The following ATF2 variants were observed in gnomAD, a reference collection of about 807,000 sequenced individuals.
ATF2 encodes the protein activating transcription factor 2.
Under a neutral mutation model 60.6 loss-of-function variants are expected in ATF2, and 24 were observed. That is an observed-to-expected ratio of 0.40 (90% CI 0.29 to 0.56). The LOEUF (loss-of-function observed/expected upper bound fraction) is 0.56, where lower values mean the gene tolerates loss of function less well. Among genes scored for constraint, ATF2 ranks in the 20% least tolerant of loss-of-function variants. ATF2 has a pLI of 0.54. For missense variants in ATF2, 433 were observed against 607.7 expected (o/e 0.71, Z 3.02); for synonymous variants, 206 against 215.4 (o/e 0.96, Z 0.38).
intron 2 of ATF2, among the ~76,000 whole-genome samples, chr2:175,139,208 G>C (rs1698335297): frequency 6.6e-6 from 1 of 152,136 alleles, no homozygotes; most frequent in South Asian, 2.1e-4. Flanking sequence ...CTTGCTAACA[G>C]CAGGCACAGA....
At chr2:175,097,741 GA>G (rs1695032055) in intron 10 of ATF2, 148 bp from the exon 11 acceptor site, 4 of 817,504 alleles carry the variant, frequency 4.9e-6, no homozygotes, top group African/African-American at 1.8e-5. Context: ...TGTTCCTAGT[GA>G]ATTTTGAGAA....
intron 1 of ATF2, among the ~76,000 whole-genome samples, chr2:175,167,264 G>T (rs971410327): frequency 6.6e-6 from 1 of 151,942 alleles, no homozygotes; most frequent in Non-Finnish European, 1.5e-5. Flanking sequence ...GGTCCCTAGG[G>T]CATTGATGAA....
At position 175,129,926 on chromosome 2, in the gene ATF2, C is replaced by G. The variant is rs77844968; in HGVS notation, c.102+212G>C. ...TCCATTACAAGATATAATGCTCCCCCCCTCCGTATTGGATTATACTTTCTA... is the reference window on the plus strand; with the variant it reads ...TCCATTACAAGATATAATGCTCCCCGCCTCCGTATTGGATTATACTTTCTA... On this transcript the variant is annotated intron_variant, in intron 4 of 13. Transcript: ENST00000264110. 6.4e-4 allele frequency among the ~76,000 whole-genome samples: 98 copies of G among 152,026 alleles called. No homozygotes were observed. The East Asian group carries it at 9.5e-3, about 15-fold the overall frequency.
chr2:175,092,465 G>A (rs1694617135), intron 12 of ATF2: 1 of 200,438 alleles, frequency 5.0e-6, no homozygotes, highest in Admixed American at 6.1e-5. Context: ...TATACTCCAT[G>A]AGGTTTTAAG....
At chr2:175,136,089 C>T (rs2105766402) in intron 3 of ATF2, among the ~76,000 whole-genome samples, 1 of 151,356 alleles carries the variant, frequency 6.6e-6, no homozygotes, top group East Asian at 1.9e-4. Flanking sequence ...GGGGAGCACC[C>T]AGAGTATGGC....
chr2:175,116,345 GAAGA>G (rs977098006), intron 7 of ATF2, among the ~76,000 whole-genome samples: 32 of 148,768 alleles, frequency 2.2e-4, no homozygotes, highest in African/African-American at 7.8e-4. Context: ...GTAAAAGAAA[GAAGA>G]AATTAAGGAT....
chr2:175,099,034 G>C (rs1475469422), intron 10 of ATF2, among the ~76,000 whole-genome samples: 1 of 148,444 alleles, frequency 6.7e-6, no homozygotes, highest in Non-Finnish European at 1.5e-5. Flanking sequence ...AAAAAGAAAA[G>C]TTTTTTCTTG....
Position 175,074,582 on chromosome 2 carries a change from T to G in ATF2, c.*27A>C. On this transcript the variant is annotated 3_prime_UTR_variant, in exon 14 of 14. Coordinates refer to ENST00000264110, the MANE Select transcript of ATF2 (RefSeq NM_001880.4). Reference sequence around the variant, plus strand: ...CCCTTTGAAGTCACTAATGAGTATCTAAAACTGTTGTACTGCAGGTTTTTA... The same window carrying G: ...CCCTTTGAAGTCACTAATGAGTATCGAAAACTGTTGTACTGCAGGTTTTTA... 6.3e-7 allele frequency: 1 copy of G among 1,593,228 alleles called. No homozygotes were observed. The highest frequency in any genetic ancestry group is 2.3e-5 in the East Asian group (1 of 43,962).
At chr2:175,095,633 ATTCT>A (rs1694884992) in intron 11 of ATF2, among the ~76,000 whole-genome samples, 1 of 152,184 alleles carries the variant, frequency 6.6e-6, no homozygotes, top group Non-Finnish European at 1.5e-5. Flanking sequence ...CTATTAATTC[ATTCT>A]ATTTCATTCA....
intron 3 of ATF2, among the ~76,000 whole-genome samples, chr2:175,130,604 T>G (rs1051902274): frequency 2.0e-5 from 3 of 152,144 alleles, no homozygotes; most frequent in African/African-American, 7.2e-5. Context: ...TATATTCTAG[T>G]GGAATATTTG....
intron 2 of ATF2, among the ~76,000 whole-genome samples, chr2:175,148,865 A>C: frequency 6.6e-6 from 1 of 152,070 alleles, no homozygotes; most frequent in East Asian, 1.9e-4. Context: ...CCAAACTTCC[A>C]GTTGTCCTAC....
intron 4 of ATF2, among the ~76,000 whole-genome samples, chr2:175,122,289 T>G (rs1397828773): frequency 6.6e-6 from 1 of 152,046 alleles, no homozygotes. Flanking sequence ...ACATAATAAA[T>G]GCATTATCTC....
chr2:175,086,965 T>G (rs959768975), intron 12 of ATF2, among the ~76,000 whole-genome samples: 8 of 151,804 alleles, frequency 5.3e-5, no homozygotes, highest in Non-Finnish European at 1.5e-5. Flanking sequence ...CACAGAGACC[T>G]CAGAATATAA....
intron 12 of ATF2, among the ~76,000 whole-genome samples, chr2:175,082,985 T>G (rs1021830468): frequency 7.2e-5 from 11 of 151,946 alleles, no homozygotes; most frequent in East Asian, 1.9e-4. Flanking sequence ...CACTGCTCAA[T>G]GAAATAAAAG....
At chr2:175,128,606 CA>C (rs1306226191) in intron 4 of ATF2, among the ~76,000 whole-genome samples, 2 of 151,210 alleles carry the variant, frequency 1.3e-5, no homozygotes, top group African/African-American at 4.9e-5. Flanking sequence ...TAGAGGAAAA[CA>C]AAGGAGAATA....
intron 10 of ATF2, among the ~76,000 whole-genome samples, chr2:175,109,910 A>G (rs1038621832): frequency 5.3e-5 from 8 of 152,318 alleles, no homozygotes; most frequent in Middle Eastern, 3.4e-3. Context: ...TTCTCTAACA[A>G]TCAATAACCA....
chr2:175,143,046 G>A (rs528920143), intron 2 of ATF2, among the ~76,000 whole-genome samples: 6 of 152,036 alleles, frequency 3.9e-5, no homozygotes, highest in Non-Finnish European at 7.4e-5. Context: ...CGTTCAGAAG[G>A]AGATCACTTG....
chr2:175,160,606 GAT>G (rs1699959330), intron 1 of ATF2, among the ~76,000 whole-genome samples: 1 of 152,170 alleles, frequency 6.6e-6, no homozygotes, highest in Non-Finnish European at 1.5e-5. Context: ...GCCAAAAATT[GAT>G]AGTGTAGTTA....
In ATF2 at chr2:175,074,599, A is replaced by G; in HGVS notation, c.*10T>C. ...TGAGTATCTAAAACTGTTGTACTGCAGGTTTTTAATCAACTTCCTGAGGGC... is the reference window on the plus strand; with the variant it reads ...TGAGTATCTAAAACTGTTGTACTGCGGGTTTTTAATCAACTTCCTGAGGGC... On this transcript the variant is annotated 3_prime_UTR_variant, in exon 14 of 14. Transcript: ENST00000264110. The G allele has an allele frequency of 6.2e-7, 1 of 1,607,328 alleles. No individual in the cohort carries two copies. Among genetic ancestry groups the G allele is most frequent in the Non-Finnish European group, 8.5e-7 (1 of 1,176,450 alleles).
Sources: allele counts gnomAD v4.1 joint callset (sites outside exome capture counted in the v4.1 genomes callset), GRCh38; gene constraint gnomAD v4.1.1; transcripts MANE v1.5; gene names NCBI Gene and HGNC (gene_info 2026-07-23, HGNC 2026-07-21).